The following ATAD2 variants were observed in gnomAD, a reference collection of about 807,000 sequenced individuals.
ATAD2 encodes the protein ATPase family AAA domain-containing protein 2.
In ATAD2, 62 loss-of-function variants were observed where a neutral mutation model predicts 168.9. The observed-to-expected ratio is 0.37, with a 90% CI of 0.30 to 0.45. The LOEUF (loss-of-function observed/expected upper bound fraction) is 0.45. Among genes scored for constraint, ATAD2 ranks in the 20% least tolerant of loss-of-function variants. The probability of loss-of-function intolerance (pLI) is 1.00; values close to 1 mark genes in which losing one functional copy is unlikely to be tolerated. For synonymous variants in ATAD2, 613 were observed against 571.6 expected (o/e 1.07, Z -1.03); for missense variants, 1,419 against 1,667.8 (o/e 0.85, Z 2.60).
chr8:123,339,596 A>G (rs1828010839), intron 19 of ATAD2, 150 bp from the exon 20 acceptor site: 2 of 724,790 alleles, frequency 2.8e-6, no homozygotes, highest in Non-Finnish European at 4.4e-6. Flanking sequence ...GTTATGTCCA[A>G]ATAAACCCAT....
chr8:123,378,024 T>C (rs899484852), intron 2 of ATAD2, among the ~76,000 whole-genome samples: 33 of 152,248 alleles, frequency 2.2e-4, no homozygotes, highest in African/African-American at 7.0e-4. Context: ...AGACAGTTAA[T>C]GGACCACTAC....
intron 1 of ATAD2, among the ~76,000 whole-genome samples, chr8:123,386,781 A>G (rs1829657497): frequency 6.6e-6 from 1 of 152,158 alleles, no homozygotes; most frequent in African/African-American, 2.4e-5. Context: ...CAATACTAGG[A>G]AAAAACATTT....
At chr8:123,385,290 C>A (rs186119703) in intron 1 of ATAD2, among the ~76,000 whole-genome samples, 1 of 151,806 alleles carries the variant, frequency 6.6e-6, no homozygotes, top group African/African-American at 2.4e-5. Flanking sequence ...GTTAAGTGGA[C>A]TGAAAATGCA....
intron 14 of ATAD2, 79 bp from the exon 15 acceptor site, chr8:123,348,352 C>T: frequency 2.6e-6 from 3 of 1,141,118 alleles, no homozygotes; most frequent in Non-Finnish European, 3.7e-6. Flanking sequence ...GATTAAAATA[C>T]TTTTGATTAT....
intron 2 of ATAD2, among the ~76,000 whole-genome samples, chr8:123,379,820 G>A (rs570199095): frequency 6.4e-4 from 96 of 151,174 alleles, no homozygotes; most frequent in African/African-American, 2.1e-3. Flanking sequence ...TGCCTGCCTC[G>A]GTCTCCCAAA....
At chr8:123,391,036 C>A (rs957323090) in intron 1 of ATAD2, among the ~76,000 whole-genome samples, 1 of 151,198 alleles carries the variant, frequency 6.6e-6, no homozygotes, top group African/African-American at 2.4e-5. Context: ...AAAAAAAAAA[C>A]CCAAAAGTAA....
chr8:123,377,051 A>G (rs1469149971), intron 2 of ATAD2, among the ~76,000 whole-genome samples: 1 of 137,452 alleles, frequency 7.3e-6, no homozygotes, highest in African/African-American at 2.7e-5. Flanking sequence ...CGATTGCGCC[A>G]CTGCACTCCA....
At chr8:123,323,916 T>C (rs1266784700) in intron 26 of ATAD2, among the ~76,000 whole-genome samples, 1 of 152,102 alleles carries the variant, frequency 6.6e-6, no homozygotes, top group African/African-American at 2.4e-5. Flanking sequence ...AGTAATGAAT[T>C]TAATTGACTC....
rs79196516 is a variant in ATAD2 at position 123,368,664 on chromosome 8, G to C, written c.1049+394C>G. 7.7e-3 allele frequency among the ~76,000 whole-genome samples: 1,166 copies of C among 152,274 alleles called. 15 individuals carry two copies. The highest frequency in any genetic ancestry group is 0.025 in the African/African-American group (1,039 of 41,566). On this transcript the variant is annotated intron_variant, in intron 8 of 27. Coordinates refer to ENST00000287394, the MANE Select transcript of ATAD2 (RefSeq NM_014109.4). ...GTAGCTTAGAACATCTGACATGGTA[G>C]GAAAATGCATCTGTGATAGTATGCA...
intron 2 of ATAD2, among the ~76,000 whole-genome samples, chr8:123,379,801 C>A (rs536307033): frequency 2.0e-5 from 3 of 151,770 alleles, no homozygotes; most frequent in Middle Eastern, 3.4e-3. Context: ...AACTCCTGAC[C>A]TCGTGATCTG....
chr8:123,399,649 G>A (rs553543747), upstream of ATAD2, among the ~76,000 whole-genome samples: 4 of 152,010 alleles, frequency 2.6e-5, no homozygotes, highest in Admixed American at 1.3e-4. Context: ...GAGGTCGGGA[G>A]TTCTAGAGCA....
At position 123,336,501 on chromosome 8, in the gene ATAD2, G is replaced by C; in HGVS notation, c.3083C>G (p.Pro1028Arg). 1.3e-6 allele frequency: 2 copies of C among 1,546,390 alleles called. No homozygotes were observed. The highest frequency in any genetic ancestry group is 2.4e-5 in the East Asian group (1 of 42,082). The change falls in exon 22 of 28, where the codon CCA becomes CGA. Residue 1028 changes from proline (P) to arginine (R), a missense_variant. Around this residue, in one of 5 missense-constraint regions of ATAD2, gnomAD observed 545 missense variants for 724.9 expected, o/e 0.75. Transcript: ENST00000287394. ...VPDYVTVIKQ[P>R]MDLSSVISKI... Reference sequence around the variant, plus strand: ...ACTGATTACAGATGAAAGGTCCATTGGTTGCTTTATTACAGTGACATAATC... The same window carrying C: ...ACTGATTACAGATGAAAGGTCCATTCGTTGCTTTATTACAGTGACATAATC...
chr8:123,372,806 CA>C, intron 2 of ATAD2, 120 bp from the exon 3 acceptor site: 1 of 724,878 alleles, frequency 1.4e-6, no homozygotes, highest in South Asian at 2.5e-5. Context: ...TGACTCACTA[CA>C]GCCTCAAACT....
chr8:123,376,283 G>A (rs935535709), intron 2 of ATAD2, among the ~76,000 whole-genome samples: 7 of 151,886 alleles, frequency 4.6e-5, no homozygotes, highest in Non-Finnish European at 7.4e-5. Flanking sequence ...GCGGTTGCCT[G>A]TAATCCCAGC....
chr8:123,322,802 GAA>G, intron 27 of ATAD2, 134 bp downstream of exon 27: 2 of 868,954 alleles, frequency 2.3e-6, no homozygotes, highest in Non-Finnish European at 3.3e-6. Flanking sequence ...ATCAACTTTG[GAA>G]ATAGAAAGAT....
chr8:123,330,517 C>T (rs577194948), intron 24 of ATAD2, among the ~76,000 whole-genome samples: 35 of 152,218 alleles, frequency 2.3e-4, no homozygotes, highest in Non-Finnish European at 4.1e-4. Flanking sequence ...GTGCCGCCAC[C>T]GTGCCCGGCT....
intron 24 of ATAD2, among the ~76,000 whole-genome samples, chr8:123,333,301 T>C (rs1246452127): frequency 7.3e-6 from 1 of 136,174 alleles, no homozygotes; most frequent in Non-Finnish European, 1.5e-5. Flanking sequence ...TCCCAGCTAC[T>C]TGGGAGGCTG....
In ATAD2 at chr8:123,389,467, AG is replaced by A. The variant is rs1366812879; in HGVS notation, c.171+6719del. Among the ~76,000 whole-genome samples, 4 of 150,780 alleles carry A rather than the reference AG, an allele frequency of 2.7e-5. No individual in the cohort carries two copies. In the East Asian group the frequency reaches 6.1e-4, roughly 23 times the overall value. ...ATCCTGGCTATCACGGTGAAAACCC[AG>A]TCTCTACTAAAAATACAAAAACTTA... On this transcript the variant is annotated intron_variant, in intron 1 of 27. Coordinates refer to ENST00000287394, the MANE Select transcript of ATAD2 (RefSeq NM_014109.4).
intron 2 of ATAD2, among the ~76,000 whole-genome samples, chr8:123,373,788 C>CAAA (rs11285869): frequency 1.9e-4 from 14 of 72,852 alleles, no homozygotes; most frequent in African/African-American, 4.4e-4. Context: ...CACCTCGCCT[C>CAAA]AAAAAAAAAA....
Sources: allele counts gnomAD v4.1 joint callset (sites outside exome capture counted in the v4.1 genomes callset), GRCh38; gene constraint gnomAD v4.1.1; regional missense constraint gnomAD v4.1.1; transcripts MANE v1.5; gene names NCBI Gene and HGNC (gene_info 2026-07-23, HGNC 2026-07-21).